NT5DC2: variants seen among roughly 807,000 people sequenced by gnomAD.
NT5DC2 encodes the protein 5'-nucleotidase domain-containing protein 2.
In NT5DC2, 41 loss-of-function variants were observed where a neutral mutation model predicts 70.0. That is an observed-to-expected ratio of 0.59 (90% CI 0.46 to 0.76). The LOEUF (loss-of-function observed/expected upper bound fraction) is 0.76. Among genes scored for constraint, NT5DC2 ranks in the 30% least tolerant of loss-of-function variants. The pLI is 0.00. For synonymous variants in NT5DC2, 299 were observed against 310.4 expected, an observed-to-expected ratio of 0.96 and a Z score of 0.39; for missense variants, 705 against 783.2, an observed-to-expected ratio of 0.90 and a Z score of 1.19.
intron 9 of NT5DC2, 116 bp downstream of exon 9, chr3:52,527,501 C>A (rs561301760): frequency 1.4e-6 from 2 of 1,457,962 alleles, no homozygotes; most frequent in Non-Finnish European, 9.5e-7. Flanking sequence ...GGTGTTCTCA[C>A]CCCAAGCACA....
At position 52,529,004 on chromosome 3, in the gene NT5DC2, A is replaced by C; in HGVS notation, c.418-69T>G. On this transcript the variant is annotated intron_variant, in intron 2 of 13. Coordinates refer to ENST00000422318, the MANE Select transcript of NT5DC2 (RefSeq NM_001134231.2). This position sits in a 1 kb window ranked among gnomAD's most constrained non-coding sequence, Gnocchi z 4.1. ...GACCTGCTGGCTGGGTGGCCACCCC[A>C]GGGGGTCAATCCAGCCACCTGCCCA... 1 of 1,595,714 alleles carries C rather than the reference A, an allele frequency of 6.3e-7. No homozygotes were observed. Among genetic ancestry groups the C allele is most frequent in the Non-Finnish European group, 8.6e-7 (1 of 1,164,096 alleles).
In NT5DC2 at chr3:52,533,595, C is replaced by G; in HGVS notation, c.143G>C (p.Arg48Pro). 7.8e-7 allele frequency: 1 copy of G among 1,276,706 alleles called. No homozygotes were observed. 79.1% of individuals were successfully genotyped at this position (1,276,706 alleles called of 1,614,324 possible). A position where few individuals can be genotyped will look rare whatever the true frequency, so the allele number is the denominator to read the frequency against. Residue 48 changes from arginine to proline, a missense_variant, in exon 1 of 14, where the codon CGC (arginine) becomes CCC (proline). Transcript: ENST00000422318. ...GGTGGGTGCCTGGGCGGGCGCGGAG[C>G]GCGGGACGCCGGGGCAGTGGGCGCC... ...GPGAHCPGVPRSAPAQAPTSG... is the reference protein window; with the variant it reads ...GPGAHCPGVPPSAPAQAPTSG...
upstream of NT5DC2, chr3:52,534,719 G>T: frequency 6.5e-7 from 1 of 1,547,900 alleles, no homozygotes; most frequent in Non-Finnish European, 8.7e-7. Flanking sequence ...GTCCGGAGGA[G>T]GCCGACCCAG....
chr3:52,527,768 C>T, intron 8 of NT5DC2, 50 bp from the exon 9 acceptor site: 1 of 1,611,070 alleles, frequency 6.2e-7, no homozygotes, highest in Non-Finnish European at 8.5e-7. Flanking sequence ...GGCTCCGTGC[C>T]TGCCCTCCCC....
chr3:52,534,768 G>A, upstream of NT5DC2: 1 of 1,424,404 alleles, frequency 7.0e-7, no homozygotes, highest in Non-Finnish European at 9.5e-7. Context: ...AGCTGGGCGC[G>A]CGTTGTTTTC....
rs1403567706 is a variant in NT5DC2 at position 52,529,675 on chromosome 3, C to T, written c.233-341G>A. 1.3e-5 allele frequency among the ~76,000 whole-genome samples: 2 copies of T among 152,150 alleles called. No individual in the cohort carries two copies. Among genetic ancestry groups the T allele is most frequent in the East Asian group, 1.9e-4 (1 of 5,194 alleles). ...ATCAGACACAAGGCCATGCTAGAAC[C>T]CTGGCAGCAGTCACTCAACTCCTCA... On this transcript the variant is annotated intron_variant, in intron 1 of 13. Coordinates refer to ENST00000422318, the MANE Select transcript of NT5DC2 (RefSeq NM_001134231.2). The surrounding 1 kb of genome is among the most constrained non-coding windows in gnomAD (Gnocchi z 4.1).
chr3:52,526,449 G>T (rs937555063), intron 10 of NT5DC2: 1 of 152,276 alleles, frequency 6.6e-6, no homozygotes, highest in Non-Finnish European at 1.5e-5. Flanking sequence ...CAGGATTTCC[G>T]CATTCCAGCC....
intron 10 of NT5DC2, 30 bp downstream of exon 10, chr3:52,527,264 C>T: frequency 6.2e-7 from 1 of 1,608,644 alleles, no homozygotes; most frequent in Non-Finnish European, 8.5e-7. Flanking sequence ...ATGCCCCCAC[C>T]ACATGCTGCT....
chr3:52,525,363 TC>T, intron 10 of NT5DC2, 68 bp from the exon 11 acceptor site: 1 of 1,297,600 alleles, frequency 7.7e-7, no homozygotes, highest in Non-Finnish European at 1.1e-6. Flanking sequence ...CCCTCCCGAA[TC>T]CCCAGAGGCA....
At chr3:52,533,465 C>T in intron 1 of NT5DC2, 41 bp downstream of exon 1, 1 of 1,483,108 alleles carries the variant, frequency 6.7e-7, no homozygotes, top group East Asian at 3.0e-5. Flanking sequence ...TCAGTCCACG[C>T]GGAAGACACC....
Position 52,524,738 on chromosome 3 carries a change from AG to A in NT5DC2, c.1413-8del, listed in dbSNP as rs1213814442. 1.2e-6 allele frequency: 2 copies of A among 1,612,614 alleles called. No homozygotes were observed. The highest frequency in any genetic ancestry group is 8.5e-7 in the Non-Finnish European group (1 of 1,179,918). Reference sequence around the variant, plus strand: ...CAGGGCCTTGGTGATGCACCTGGCGAGGGAGACACGATGCGCTCAAGGGGTG... The same window carrying A: ...CAGGGCCTTGGTGATGCACCTGGCGAGGAGACACGATGCGCTCAAGGGGTG... On this transcript the variant is annotated splice_region_variant and splice_polypyrimidine_tract_variant and intron_variant, in intron 13 of 13. Transcript: ENST00000422318.
chr3:52,533,758 C>A lies in NT5DC2; in HGVS notation c.-21G>T. On this transcript the variant is annotated 5_prime_UTR_variant, in exon 1 of 14. Coordinates refer to ENST00000422318, the MANE Select transcript of NT5DC2 (RefSeq NM_001134231.2). ...GCCATGCCCACCGCGCGCCGCCCGC[C>A]GCCCGCGCTGCCCTCGGCCAGCCCG... 2 of 930,666 alleles carry A rather than the reference C, an allele frequency of 2.1e-6. No homozygotes were observed. The highest frequency in any genetic ancestry group is 2.5e-6 in the Non-Finnish European group (2 of 789,874). 57.7% of individuals were successfully genotyped at this position (930,666 alleles called of 1,614,324 possible). A position where few individuals can be genotyped will look rare whatever the true frequency, so the allele number is the denominator to read the frequency against.
rs779177312 is a variant in NT5DC2, at chr3:52,525,023, C to G, written c.1287G>C (p.Glu429Asp). The change falls in exon 12 of 14, where the codon GAG (glutamate) becomes GAC (aspartate). Residue 429 changes from glutamate to aspartate, a missense_variant. By Grantham distance (45) the Glu-to-Asp change is conservative. Transcript: ENST00000422318. ...LEREIRIINT[E>D]QYMHSLTWQQ... is the part of the protein sequence containing the mutation. ...GCCACGTCAGCGAGTGCATGTACTG[C>G]TCCGTGTTGATGATGCGGATCTCAC... The G allele has an allele frequency of 1.9e-6, 3 of 1,609,442 alleles. No homozygotes were observed. The highest frequency in any genetic ancestry group is 2.5e-6 in the Non-Finnish European group (3 of 1,178,580).
chr3:52,525,239 G>A lies in NT5DC2; in HGVS notation c.1176C>T (p.Tyr392=), dbSNP rs2079239589. The A allele has an allele frequency of 1.2e-6, 2 of 1,612,732 alleles. No individual in the cohort carries two copies. Among genetic ancestry groups the A allele is most frequent in the East Asian group, 2.2e-5 (1 of 44,864 alleles). Residue 392 remains tyrosine, a synonymous_variant, in exon 11 of 14, where the codon TAC becomes TAT. Transcript: ENST00000422318. ...LTEWRGPRVL[Y]FGDHLYSDLA... is the part of the protein sequence containing the mutation. The stretch of plus-strand genomic sequence containing the variant: ...GATCACTATAGAGGTGGTCCCCGAA[G>A]TAGAGCACGCGGGGGCCACGCCATT...
At chr3:52,534,156 C>G (rs1575394292), upstream of NT5DC2, 7 of 305,348 alleles carry the variant, frequency 2.3e-5, no homozygotes, top group East Asian at 7.7e-4. Flanking sequence ...CGGGTACCCC[C>G]CGGGCCCCCG....
At position 52,529,446 on chromosome 3, in the gene NT5DC2, C is replaced by G. The variant is rs35371456; in HGVS notation, c.233-112G>C. 1 of 951,672 alleles carries G rather than the reference C, an allele frequency of 1.1e-6. No homozygotes were observed. The highest frequency in any genetic ancestry group is 2.1e-5 in the Admixed American group (1 of 47,358). The allele number at this position is 951,672 out of a possible 1,614,324, so 59.0% of individuals were successfully genotyped here. The stretch of plus-strand genomic sequence containing the variant: ...CCCTGTGAGCCTCAGAAACGCCCCA[C>G]AATGGCACCTCTTATTCCAGTGCTG... On this transcript the variant is annotated intron_variant, in intron 1 of 13. Transcript: ENST00000422318. This position sits in a 1 kb window ranked among gnomAD's most constrained non-coding sequence, Gnocchi z 4.1.
chr3:52,524,752 C>A (rs142803792), intron 13 of NT5DC2, 21 bp from the exon 14 acceptor site: 2 of 1,612,544 alleles, frequency 1.2e-6, no homozygotes, highest in Non-Finnish European at 1.7e-6. Context: ...AGACACGATG[C>A]GCTCAAGGGG....
rs199782369 is a variant in NT5DC2 at position 52,528,365 on chromosome 3, G to A, written c.643-54C>T. On this transcript the variant is annotated intron_variant, in intron 5 of 13. Coordinates refer to ENST00000422318, the MANE Select transcript of NT5DC2 (RefSeq NM_001134231.2). ...CCTTTGGGACCCCAACCCCTTCAGT[G>A]CTGGAGACGAGGGCCCCAAATCTGC... The A allele has an allele frequency of 1.2e-5, 19 of 1,613,088 alleles. No individual in the cohort carries two copies. In the Admixed American group the frequency reaches 1.8e-4, roughly 16 times the overall value.
At position 52,529,111 on chromosome 3, in the gene NT5DC2, A is replaced by C; in HGVS notation, c.417+39T>G. On this transcript the variant is annotated intron_variant, in intron 2 of 13. Transcript: ENST00000422318. The surrounding 1 kb of genome is among the most constrained non-coding windows in gnomAD (Gnocchi z 4.1). ...GCCAAGGTGGGTCTGGCCAGCCTCC[A>C]AGCCCTGGGTTTGTTGGTGGCAAGG... 6.2e-7 allele frequency: 1 copy of C among 1,612,916 alleles called. No homozygotes were observed. The highest frequency in any genetic ancestry group is 8.5e-7 in the Non-Finnish European group (1 of 1,179,144).
Sources: allele counts gnomAD v4.1 joint callset (sites outside exome capture counted in the v4.1 genomes callset), GRCh38; gene constraint gnomAD v4.1.1; non-coding constraint Gnocchi (gnomAD v3.1); transcripts MANE v1.5; gene names NCBI Gene and HGNC (gene_info 2026-07-23, HGNC 2026-07-21).